EBF3: variants seen among roughly 807,000 people sequenced by gnomAD.
The protein encoded by EBF3 is transcription factor COE3.
In EBF3, 18 loss-of-function variants were observed where a neutral mutation model predicts 77.1. That is an observed-to-expected ratio of 0.23 (90% CI 0.16 to 0.35). The LOEUF (loss-of-function observed/expected upper bound fraction) is 0.35. EBF3 is among the 10% of genes least tolerant of loss of function. The pLI, the probability that EBF3 is intolerant of heterozygous loss-of-function variation, is 1.00. For missense variants in EBF3, 558 were observed against 860.0 expected, an observed-to-expected ratio of 0.65 and a Z score of 4.39; for synonymous variants, 350 against 343.5, an observed-to-expected ratio of 1.02 and a Z score of -0.21.
chr10:129,860,206 G>C (rs1851520009), intron 10 of EBF3, among the ~76,000 whole-genome samples: 1 of 151,952 alleles, frequency 6.6e-6, no homozygotes, highest in Admixed American at 6.6e-5. Context: ...TACTCAATCA[G>C]AAACTCAAAA....
At chr10:129,900,776 G>A (rs1341048278) in intron 6 of EBF3, among the ~76,000 whole-genome samples, 4 of 152,220 alleles carry the variant, frequency 2.6e-5, no homozygotes, top group Admixed American at 1.3e-4. Context: ...AGATTTCTTG[G>A]CTTTTTCCGT....
intron 6 of EBF3, among the ~76,000 whole-genome samples, chr10:129,951,734 C>T (rs890054645): frequency 5.2e-5 from 8 of 152,384 alleles, no homozygotes; most frequent in Admixed American, 2.0e-4. Flanking sequence ...TGACACACAG[C>T]GGAGGCTAAC....
chr10:129,960,090 T>A (rs553522782), intron 4 of EBF3, among the ~76,000 whole-genome samples: 37 of 135,768 alleles, frequency 2.7e-4, no homozygotes, highest in African/African-American at 9.7e-4. Context: ...CCTCCACCAC[T>A]GGCCTCGCGA....
rs77995979 is a variant in EBF3 at position 129,900,615 on chromosome 10, C to T, written c.555-22766G>A. On this transcript the variant is annotated intron_variant, in intron 6 of 16. Coordinates refer to ENST00000440978, the MANE Select transcript of EBF3 (RefSeq NM_001375380.1). ...TGATGCCAAAGGGCCTCCAGTTCTC[C>T]TCACTTTGAGGAAATTTAACTTGAA... 4.5e-3 allele frequency among the ~76,000 whole-genome samples: 679 copies of T among 152,368 alleles called. 25 individuals carry two copies. The South Asian group carries it at 0.071, about 16-fold the overall frequency.
At chr10:129,919,932 G>A (rs1317454525) in intron 6 of EBF3, among the ~76,000 whole-genome samples, 1 of 152,190 alleles carries the variant, frequency 6.6e-6, no homozygotes, top group African/African-American at 2.4e-5. Context: ...CAGCACAAGA[G>A]AGAAAGCCGC....
At chr10:129,882,231 C>A (rs541932466) in intron 6 of EBF3, among the ~76,000 whole-genome samples, 1 of 152,228 alleles carries the variant, frequency 6.6e-6, no homozygotes, top group East Asian at 1.9e-4. Context: ...TGTGTAATAT[C>A]CATTACATTA....
chr10:129,941,709 C>A (rs559822757), intron 6 of EBF3, among the ~76,000 whole-genome samples: 5 of 152,328 alleles, frequency 3.3e-5, no homozygotes, highest in Admixed American at 2.0e-4. Context: ...GAGAAAGGGG[C>A]AAGGCAGAGG....
At chr10:129,857,890 T>C (rs752568066) in intron 10 of EBF3, among the ~76,000 whole-genome samples, 4 of 152,234 alleles carry the variant, frequency 2.6e-5, no homozygotes, top group Non-Finnish European at 5.9e-5. Flanking sequence ...CCAAACCATG[T>C]TGATGGCGAG....
chr10:129,933,072 G>A (rs1410804823), intron 6 of EBF3, among the ~76,000 whole-genome samples: 1 of 152,130 alleles, frequency 6.6e-6, no homozygotes, highest in Non-Finnish European at 1.5e-5. Context: ...GCGGGCGGCA[G>A]TGACAGGTGA....
At chr10:129,950,532 C>G (rs551234974) in intron 6 of EBF3, among the ~76,000 whole-genome samples, 1 of 152,300 alleles carries the variant, frequency 6.6e-6, no homozygotes, top group African/African-American at 2.4e-5. Context: ...ATATGTCTGA[C>G]CTTTTTCTGA....
intron 6 of EBF3, among the ~76,000 whole-genome samples, chr10:129,953,582 G>C (rs1289556315): frequency 6.6e-6 from 1 of 152,350 alleles, no homozygotes; most frequent in East Asian, 1.9e-4. Context: ...ATGCCAGCGA[G>C]TGGGACGCCG....
intron 10 of EBF3, among the ~76,000 whole-genome samples, chr10:129,855,258 C>T (rs1239516594): frequency 6.6e-6 from 1 of 152,204 alleles, no homozygotes; most frequent in Non-Finnish European, 1.5e-5. Context: ...GCCTCGTGCA[C>T]AGGGACCAGC....
chr10:129,866,186 A>G (rs900768923), intron 10 of EBF3, among the ~76,000 whole-genome samples: 1 of 152,166 alleles, frequency 6.6e-6, no homozygotes, highest in Non-Finnish European at 1.5e-5. Context: ...CAGTAGCTCA[A>G]TCAAGGTTCA....
At chr10:129,901,056 C>T (rs1213211283) in intron 6 of EBF3, among the ~76,000 whole-genome samples, 2 of 152,218 alleles carry the variant, frequency 1.3e-5, no homozygotes, top group East Asian at 3.8e-4. Context: ...TTTTCTGGCA[C>T]GCCCTCTGAT....
intron 11 of EBF3, among the ~76,000 whole-genome samples, chr10:129,847,155 C>A (rs913019902): frequency 6.6e-5 from 10 of 152,086 alleles, no homozygotes; most frequent in African/African-American, 2.4e-4. Context: ...ACCAGGGAAC[C>A]CCCCGAGAGC....
At chr10:129,858,575 C>T (rs1048203959) in intron 10 of EBF3, among the ~76,000 whole-genome samples, 4 of 152,114 alleles carry the variant, frequency 2.6e-5, no homozygotes, top group African/African-American at 9.7e-5. Flanking sequence ...TCTGACTGAC[C>T]CCAGCCTGGG....
At position 129,848,618 on chromosome 10, in the gene EBF3, G is replaced by A; in HGVS notation, c.1040-138C>T. The stretch of plus-strand genomic sequence containing the variant: ...AGGCAAGCACCCCTGAATACTAGCT[G>A]TGTCTTAAGGAATAGATTTTCCCCC... On this transcript the variant is annotated intron_variant, in intron 10 of 16. Coordinates refer to ENST00000440978, the MANE Select transcript of EBF3 (RefSeq NM_001375380.1). This position sits in a 1 kb window ranked among gnomAD's most constrained non-coding sequence, Gnocchi z 4.4. The A allele has an allele frequency of 1.2e-6, 1 of 821,906 alleles. No homozygotes were observed. The highest frequency in any genetic ancestry group is 2.0e-6 in the Non-Finnish European group (1 of 488,228). The allele number at this position is 821,906 out of a possible 1,614,324, so 50.9% of individuals were successfully genotyped here.
rs1859573897 is a variant in EBF3, at chr10:129,962,157, A to G, written c.411+14T>C. ...CAGCAGTGAAAACTCGTGCAGAGGC[A>G]TAAACTTTCTCACCTGTTTGGTCAT... On this transcript the variant is annotated intron_variant, in intron 4 of 16. Transcript: ENST00000440978. 6.2e-7 allele frequency: 1 copy of G among 1,614,172 alleles called. No individual in the cohort carries two copies. Among genetic ancestry groups the G allele is most frequent in the Non-Finnish European group, 8.5e-7 (1 of 1,180,006 alleles).
intron 8 of EBF3, among the ~76,000 whole-genome samples, chr10:129,869,378 A>C (rs1278691373): frequency 6.6e-6 from 1 of 152,124 alleles, no homozygotes; most frequent in Admixed American, 6.5e-5. Context: ...TAGTGGCTTA[A>C]CCAAGCCACC....
Sources: gnomAD v4.1 joint callset for allele counts (sites outside exome capture counted in the v4.1 genomes callset) on GRCh38, gnomAD v4.1.1 for gene constraint, Gnocchi (gnomAD v3.1) non-coding constraint, MANE v1.5 for transcripts, NCBI Gene and HGNC (gene_info 2026-07-23, HGNC 2026-07-21) for gene names.